The following ACCSL variants were observed in gnomAD, a reference collection of about 807,000 sequenced individuals.
The protein encoded by ACCSL is 1-aminocyclopropane-1-carboxylate synthase homolog (inactive) like.
A neutral mutation model predicts 61.7 loss-of-function variants in ACCSL; 55 were observed. The ratio of observed to expected loss-of-function variants is 0.89; its 90% confidence interval spans 0.72 to 1.12. ACCSL has a LOEUF of 1.12. Among genes scored for constraint, ACCSL ranks in the 50% most tolerant of loss-of-function variants. The probability of loss-of-function intolerance (pLI) is 0.00; values close to 1 mark genes in which losing one functional copy is unlikely to be tolerated. For synonymous variants in ACCSL, 258 were observed against 264.3 expected (o/e 0.98, Z 0.23); for missense variants, 632 against 698.0 (o/e 0.91, Z 1.07).
the ACCSL span, among the ~76,000 whole-genome samples, chr11:44,001,504 A>G: frequency 6.6e-6 from 1 of 151,872 alleles, no homozygotes; most frequent in Non-Finnish European, 1.5e-5. Flanking sequence ...CCGGGGTGAG[A>G]CTGTGTATAG....
chr11:43,988,950 C>CT, the ACCSL span, among the ~76,000 whole-genome samples: 8 of 151,776 alleles, frequency 5.3e-5, no homozygotes, highest in Non-Finnish European at 1.0e-4. Context: ...AAACTTCCTA[C>CT]TGCTGTGGTC....
intron 8 of ACCSL, among the ~76,000 whole-genome samples, chr11:44,053,803 A>C (rs1253483015): frequency 1.3e-5 from 2 of 152,186 alleles, no homozygotes; most frequent in Non-Finnish European, 1.5e-5. Flanking sequence ...AGGAGGTTGC[A>C]GTGAGCCGAG....
intron 5 of ACCSL, 89 bp downstream of exon 5, chr11:44,051,808 C>A: frequency 6.7e-7 from 1 of 1,494,838 alleles, no homozygotes; most frequent in Non-Finnish European, 9.3e-7. Flanking sequence ...GGAAGAAGAG[C>A]ATCCTGACTC....
the ACCSL span, among the ~76,000 whole-genome samples, chr11:43,997,616 C>G: frequency 6.6e-6 from 1 of 152,204 alleles, no homozygotes; most frequent in Middle Eastern, 3.2e-3. Flanking sequence ...ACGTAGATGT[C>G]TATGTTCCAG....
At chr11:44,030,738 TA>T in the ACCSL span, among the ~76,000 whole-genome samples, 7 of 151,762 alleles carry the variant, frequency 4.6e-5, no homozygotes, top group East Asian at 1.9e-4. Context: ...AGTTTGGGTT[TA>T]AAAAAAAATT....
At chr11:43,978,025 T>TTTTG in the ACCSL span, among the ~76,000 whole-genome samples, 2 of 148,942 alleles carry the variant, frequency 1.3e-5, no homozygotes, top group South Asian at 4.4e-4. Flanking sequence ...TTTTTTTTTT[T>TTTTG]TTGAGATGGA....
chr11:43,971,284 C>CA, the ACCSL span, among the ~76,000 whole-genome samples: 74,886 of 137,528 alleles, frequency 0.54, 20,044 homozygotes, highest in Middle Eastern at 0.64. Context: ...GACTCTGTCT[C>CA]AAAAAAAAAA....
chr11:44,009,903 T>G, the ACCSL span, among the ~76,000 whole-genome samples: 1 of 152,238 alleles, frequency 6.6e-6, no homozygotes, highest in South Asian at 2.1e-4. Flanking sequence ...GCCCCAGTCC[T>G]CTTCTTACTC....
the ACCSL span, among the ~76,000 whole-genome samples, chr11:44,009,704 G>T: frequency 3.9e-5 from 6 of 152,134 alleles, no homozygotes; most frequent in Non-Finnish European, 8.8e-5. Context: ...GGTTGAAGCT[G>T]CAGTGAGCCG....
chr11:44,058,781 A>C, intron 13 of ACCSL, 82 bp downstream of exon 13: 2 of 1,452,418 alleles, frequency 1.4e-6, no homozygotes, highest in Non-Finnish European at 1.9e-6. Context: ...CCCCTTAAAC[A>C]TCCTATAGAT....
At chr11:43,995,996 T>TA in the ACCSL span, among the ~76,000 whole-genome samples, 1 of 152,138 alleles carries the variant, frequency 6.6e-6, no homozygotes, top group Non-Finnish European at 1.5e-5. Flanking sequence ...TGTGTCCTTA[T>TA]AAAAAGGGGG....
the ACCSL span, among the ~76,000 whole-genome samples, chr11:43,939,377 A>G: frequency 6.6e-6 from 1 of 152,312 alleles, no homozygotes; most frequent in African/African-American, 2.4e-5. Context: ...AAATTTCTAT[A>G]AGGAGCTACA....
the ACCSL span, among the ~76,000 whole-genome samples, chr11:43,930,835 A>T: frequency 6.6e-6 from 1 of 152,218 alleles, no homozygotes; most frequent in Non-Finnish European, 1.5e-5. Context: ...GCACACACGC[A>T]CACACACTAA....
the ACCSL span, among the ~76,000 whole-genome samples, chr11:44,020,191 G>A: frequency 6.6e-6 from 1 of 152,112 alleles, no homozygotes; most frequent in African/African-American, 2.4e-5. Context: ...CCTGCAACTT[G>A]TTGCATGTTT....
chr11:43,992,972 G>A, the ACCSL span, among the ~76,000 whole-genome samples: 1 of 152,182 alleles, frequency 6.6e-6, no homozygotes, highest in Non-Finnish European at 1.5e-5. Flanking sequence ...ACATCCAGCT[G>A]GCAGAAAGCG....
chr11:43,996,660 T>C, the ACCSL span, among the ~76,000 whole-genome samples: 7 of 152,074 alleles, frequency 4.6e-5, no homozygotes, highest in Non-Finnish European at 1.0e-4. Context: ...GGCTGCAGGT[T>C]CTCTCTCCCA....
chr11:43,927,553 C>T, the ACCSL span, among the ~76,000 whole-genome samples: 1 of 152,228 alleles, frequency 6.6e-6, no homozygotes, highest in Admixed American at 6.5e-5. Flanking sequence ...TAAACGGAGG[C>T]ACAGCTCTTC....
the ACCSL span, among the ~76,000 whole-genome samples, chr11:44,021,047 G>T: frequency 6.6e-6 from 1 of 152,038 alleles, no homozygotes. Flanking sequence ...GGGCATTTAG[G>T]CTGGTTCCGT....
the ACCSL span, among the ~76,000 whole-genome samples, chr11:43,946,427 T>C: frequency 1.5e-3 from 229 of 152,288 alleles, 2 homozygotes; most frequent in Non-Finnish European, 1.5e-3. Context: ...ATTCTTGTAA[T>C]TTTTTATTGC....
Sources: allele counts gnomAD v4.1 joint callset (sites outside exome capture counted in the v4.1 genomes callset), GRCh38; gene constraint gnomAD v4.1.1; transcripts MANE v1.5; gene names NCBI Gene and HGNC (gene_info 2026-07-23, HGNC 2026-07-21).